The following DNAH2 variants were observed in gnomAD, a reference collection of about 807,000 sequenced individuals.
DNAH2 encodes axonemal beta dynein heavy chain 2.
DNAH2 carries 323 observed loss-of-function variants against 523.5 expected under a neutral mutation model. That is an observed-to-expected ratio of 0.62 (90% CI 0.56 to 0.68). The LOEUF is 0.68. Among genes scored for constraint, DNAH2 ranks in the 30% least tolerant of loss-of-function variants. The pLI, the probability that DNAH2 is intolerant of heterozygous loss-of-function variation, is 0.00. For synonymous variants in DNAH2, 2,093 were observed against 2,177.4 expected (o/e 0.96, Z 1.08); for missense variants, 4,907 against 5,701.5 (o/e 0.86, Z 4.49).
chr17:7,771,986 G>C (rs2076330741), intron 28 of DNAH2, among the ~76,000 whole-genome samples: 1 of 152,134 alleles, frequency 6.6e-6, no homozygotes, highest in South Asian at 2.1e-4. Flanking sequence ...AAAGTTCTGG[G>C]ATTACAGGTG....
rs2078069365 is a variant in DNAH2, at chr17:7,828,052, C to T, written c.11854-2248C>T. 6.6e-6 allele frequency among the ~76,000 whole-genome samples: 1 copy of T among 151,918 alleles called. No individual in the cohort carries two copies. Among genetic ancestry groups the T allele is most frequent in the East Asian group, 1.9e-4 (1 of 5,158 alleles). The stretch of plus-strand genomic sequence containing the variant: ...CAGGCTCTAGCAATCTTTCCACCTG[C>T]ACCTCACAGGTGTGTGCCACCACTC... On this transcript the variant is annotated intron_variant, in intron 77 of 85. Coordinates refer to ENST00000572933, the MANE Select transcript of DNAH2 (RefSeq NM_020877.5). The surrounding 1 kb of genome is among the most constrained non-coding windows in gnomAD (Gnocchi z 4.1).
Position 7,749,301 on chromosome 17 carries a change from TCCCC to T in DNAH2, c.1904+6163_1904+6166del, listed in dbSNP as rs1555543643. Among the ~76,000 whole-genome samples the T allele has an allele frequency of 3.0e-4, 5 of 16,532 alleles. 1 individual carries two copies. The highest frequency in any genetic ancestry group is 4.9e-4 in the Non-Finnish European group (5 of 10,206). 10.8% of individuals were successfully genotyped at this position (16,532 alleles called of 152,430 possible). A position where few individuals can be genotyped will look rare whatever the true frequency, so the allele number is the denominator to read the frequency against. On this transcript the variant is annotated intron_variant, in intron 12 of 85. Coordinates refer to ENST00000572933, the MANE Select transcript of DNAH2 (RefSeq NM_020877.5). ...CCAGCCTGGGCAACAAGAGCTAAACTCCCCCCCAAAAAAAAAAAAAAAAAAAAAA... is the reference window on the plus strand; with the variant it reads ...CCAGCCTGGGCAACAAGAGCTAAACTCCCAAAAAAAAAAAAAAAAAAAAAA...
At chr17:7,740,728 G>A (rs1461660062) in intron 10 of DNAH2, 82 bp from the exon 11 acceptor site, 29 of 1,550,754 alleles carry the variant, frequency 1.9e-5, no homozygotes, top group Non-Finnish European at 2.4e-5. Context: ...CCGCAGCGGG[G>A]TGCAGCTTTC....
At chr17:7,776,742 G>T (rs1465426369) in intron 31 of DNAH2, 37 bp from the exon 32 acceptor site, 2 of 1,562,084 alleles carry the variant, frequency 1.3e-6, no homozygotes, top group Non-Finnish European at 1.8e-6. Flanking sequence ...TGTAGCCAAG[G>T]ACAGGGCTTT....
At chr17:7,738,552 A>G (rs1391209997) in intron 8 of DNAH2, among the ~76,000 whole-genome samples, 1 of 151,932 alleles carries the variant, frequency 6.6e-6, no homozygotes, top group Non-Finnish European at 1.5e-5. Context: ...GGTGGTCTCG[A>G]TCTCCTGACC....
In DNAH2 at chr17:7,734,666, G is replaced by T. The variant is rs1442133875; in HGVS notation, c.936G>T (p.Ser312=). ...HVESILHLAK[S]SYLAPFMKLA... ...AATCCATCCTGCACCTTGCCAAGTC[G>T]TCCTACTTGGCGCCCTTTATGAAAC... The change falls in exon 7 of 86, where the codon TCG becomes TCT. Residue 312 remains serine, a synonymous_variant. Coordinates refer to ENST00000572933, the MANE Select transcript of DNAH2 (RefSeq NM_020877.5). The T allele has an allele frequency of 2.5e-6, 4 of 1,612,862 alleles. No homozygotes were observed. Among genetic ancestry groups the T allele is most frequent in the Non-Finnish European group, 3.4e-6 (4 of 1,179,872 alleles).
At position 7,741,013 on chromosome 17, in the gene DNAH2, A is replaced by G. The variant is rs940305901; in HGVS notation, c.1689+21A>G. The G allele has an allele frequency of 3.2e-6, 5 of 1,582,522 alleles. No individual in the cohort carries two copies. In the African/African-American group the frequency reaches 5.4e-5, roughly 17 times the overall value. The stretch of plus-strand genomic sequence containing the variant: ...TGACCGTAAGTGCCTGGCCTTCTCC[A>G]TATTCTGTCGTCAGTGAGACCGCCA... On this transcript the variant is annotated intron_variant, in intron 11 of 85. Coordinates refer to ENST00000572933, the MANE Select transcript of DNAH2 (RefSeq NM_020877.5).
At chr17:7,743,636 A>T in intron 12 of DNAH2, 1 of 409,124 alleles carries the variant, frequency 2.4e-6, no homozygotes, top group African/African-American at 2.1e-5. Flanking sequence ...ACTACACTCC[A>T]GCCTGGGCGA....
At chr17:7,770,532 T>A in intron 25 of DNAH2, 25 bp from the exon 26 acceptor site, 2 of 1,613,802 alleles carry the variant, frequency 1.2e-6, no homozygotes, top group South Asian at 2.2e-5. Context: ...ACCTGACTGC[T>A]GTGTCCCCCA....
intron 33 of DNAH2, 85 bp from the exon 34 acceptor site, chr17:7,777,992 C>G (rs1242222608): frequency 6.9e-5 from 89 of 1,284,708 alleles, no homozygotes; most frequent in Non-Finnish European, 9.5e-5. Flanking sequence ...TCCCTGACAA[C>G]TCTGAGCCCC....
Position 7,832,516 on chromosome 17 carries a change from A to G in DNAH2, c.12727-63A>G. On this transcript the variant is annotated intron_variant, in intron 82 of 85. Coordinates refer to ENST00000572933, the MANE Select transcript of DNAH2 (RefSeq NM_020877.5). The surrounding 1 kb of genome is among the most constrained non-coding windows in gnomAD (Gnocchi z 4.3). ...AAGAGCAAAACTCTGTCTCTAAATA[A>G]ATAAATAATACGGATTTGAATGCAC... 1 of 1,569,128 alleles carries G rather than the reference A, an allele frequency of 6.4e-7. No homozygotes were observed. The highest frequency in any genetic ancestry group is 8.7e-7 in the Non-Finnish European group (1 of 1,153,096).
In DNAH2 at chr17:7,830,803, A is replaced by G. The variant is rs751507928; in HGVS notation, c.12191A>G (p.Asp4064Gly). 4.3e-5 allele frequency: 69 copies of G among 1,613,832 alleles called. No homozygotes were observed. The highest frequency in any genetic ancestry group is 5.5e-5 in the Non-Finnish European group (65 of 1,180,018). Residue 4064 changes from aspartate to glycine, a missense_variant, in exon 79 of 86, where the codon GAT becomes GGT. Coordinates refer to ENST00000572933, the MANE Select transcript of DNAH2 (RefSeq NM_020877.5). The stretch of plus-strand genomic sequence containing the variant: ...CGCCTGCTGACCACCTACATCAATG[A>G]TTATTTCTGTGACCAGTCTCTATCA... ...DRRLLTTYIN[D>G]YFCDQSLSTP... is the part of the protein sequence containing the mutation.
intron 12 of DNAH2, among the ~76,000 whole-genome samples, chr17:7,752,639 G>A (rs888895476): frequency 1.3e-5 from 2 of 152,142 alleles, no homozygotes; most frequent in Non-Finnish European, 2.9e-5. Flanking sequence ...GAACCTGGGA[G>A]GCAGAGCTTG....
chr17:7,812,853 G>C (rs2077556630), intron 63 of DNAH2, among the ~76,000 whole-genome samples: 1 of 144,176 alleles, frequency 6.9e-6, no homozygotes, highest in Admixed American at 7.0e-5. Flanking sequence ...TGAGGCAGGA[G>C]AATCACTTGA....
chr17:7,785,528 A>ATTC (rs1444948329), intron 39 of DNAH2, among the ~76,000 whole-genome samples: 3 of 152,258 alleles, frequency 2.0e-5, no homozygotes, highest in Non-Finnish European at 4.4e-5. Context: ...AAGTGGAATT[A>ATTC]GTGAGGCCTG....
intron 48 of DNAH2, among the ~76,000 whole-genome samples, chr17:7,793,479 C>CT (rs1229592455): frequency 2.2e-5 from 3 of 133,862 alleles, no homozygotes; most frequent in African/African-American, 7.7e-5. Context: ...TTCTTTCTTT[C>CT]TTTCTTTCTT....
chr17:7,826,510 C>T lies in DNAH2; in HGVS notation c.11853+1783C>T, dbSNP rs2078022150. ...ATGCAAGTTATAAAGGATCATGATTCCTTGAATATCTGTGTGCCCATCATC... is the reference window on the plus strand; with the variant it reads ...ATGCAAGTTATAAAGGATCATGATTTCTTGAATATCTGTGTGCCCATCATC... On this transcript the variant is annotated intron_variant, in intron 77 of 85. Transcript: ENST00000572933. Among the ~76,000 whole-genome samples, 2 of 149,250 alleles carry T rather than the reference C, an allele frequency of 1.3e-5. 1 individual carries two copies. The highest frequency in any genetic ancestry group is 5.0e-5 in the African/African-American group (2 of 40,180).
At position 7,786,618 on chromosome 17, in the gene DNAH2, G is replaced by A. The variant is rs925580316; in HGVS notation, c.6397G>A (p.Glu2133Lys). 1.9e-6 allele frequency: 3 copies of A among 1,614,114 alleles called. No homozygotes were observed. The South Asian group carries it at 3.3e-5, about 18-fold the overall frequency. The part of the protein sequence containing the change: ...KALSLGELYG[E>K]YDLSTNEWTD... ...ATTGTCCCTAGGGGAACTGTATGGG[G>A]AATATGACCTCAGCACCAATGAATG... is the stretch of plus-strand genomic sequence containing the variant. Residue 2133 changes from glutamate (E) to lysine (K), a missense_variant, in exon 41 of 86, where the codon GAA becomes AAA. Around this residue, in one of 3 missense-constraint regions of DNAH2, gnomAD observed 2,806 missense variants for 3,190.8 expected, o/e 0.88. Transcript: ENST00000572933. The surrounding 1 kb of genome is among the most constrained non-coding windows in gnomAD (Gnocchi z 7.5).
At chr17:7,779,208 T>A (rs1360140359) in intron 35 of DNAH2, 35 bp from the exon 36 acceptor site, 1 of 1,606,168 alleles carries the variant, frequency 6.2e-7, no homozygotes, top group Admixed American at 1.7e-5. Context: ...TTGGGGCACC[T>A]CTCGCTCCCA....
Sources: gnomAD v4.1 joint callset for allele counts (sites outside exome capture counted in the v4.1 genomes callset) on GRCh38, gnomAD v4.1.1 for gene constraint, gnomAD v4.1.1 regional missense constraint, Gnocchi (gnomAD v3.1) non-coding constraint, MANE v1.5 for transcripts, NCBI Gene and HGNC (gene_info 2026-07-23, HGNC 2026-07-21) for gene names.